ABCG1: variants seen among roughly 807,000 people sequenced by gnomAD.
ABCG1 encodes the protein ATP-binding cassette sub-family G member 1.
Under a neutral mutation model 69.2 loss-of-function variants are expected in ABCG1, and 29 were observed. The observed-to-expected ratio is 0.42, with a 90% CI of 0.31 to 0.57. ABCG1 has a LOEUF of 0.57. Among genes scored for constraint, ABCG1 ranks in the 20% least tolerant of loss-of-function variants. The probability of loss-of-function intolerance (pLI) is 0.15; values close to 1 mark genes in which losing one functional copy is unlikely to be tolerated. For synonymous variants in ABCG1, 370 were observed against 374.8 expected (o/e 0.99, Z 0.15); for missense variants, 718 against 898.1 (o/e 0.80, Z 2.56).
In ABCG1 at chr21:42,219,692, G is replaced by A. The variant is rs916237885; in HGVS notation, c.42+388G>A. 8 of 801,208 alleles carry A rather than the reference G, an allele frequency of 1.0e-5. No homozygotes were observed. The African/African-American group carries it at 1.4e-4, about 14-fold the overall frequency. The allele number at this position is 801,208 out of a possible 1,614,324, so 49.6% of individuals were successfully genotyped here. A position where few individuals can be genotyped will look rare whatever the true frequency, so the allele number is the denominator to read the frequency against. On this transcript the variant is annotated intron_variant, in intron 1 of 14. Coordinates refer to ENST00000398449, the MANE Select transcript of ABCG1 (RefSeq NM_016818.3). This position sits in a 1 kb window ranked among gnomAD's most constrained non-coding sequence, Gnocchi z 5.3. ...CCGCAGCTTGGGCCGGAGGGAAGAG[G>A]GGACTTGAAGAAGGGGAGCCCCGCG...
upstream of ABCG1, among the ~76,000 whole-genome samples, chr21:42,213,524 G>T (rs2067609910): frequency 6.6e-6 from 1 of 152,248 alleles, no homozygotes; most frequent in African/African-American, 2.4e-5. Flanking sequence ...AGGTGTGGGG[G>T]CAGGGCCACC....
intron 2 of ABCG1, among the ~76,000 whole-genome samples, chr21:42,255,749 T>C (rs2068293287): frequency 6.6e-6 from 1 of 152,214 alleles, no homozygotes; most frequent in Non-Finnish European, 1.5e-5. Flanking sequence ...CTTTAATCCA[T>C]GCTCAAGCCC....
rs769061442 is a variant in ABCG1, at chr21:42,291,639, G to A, written c.1636G>A (p.Ala546Thr). The change falls in exon 13 of 15, where the codon GCC becomes ACC. Residue 546 changes from alanine to threonine, a missense_variant. By Grantham distance (58) the Ala-to-Thr change is moderately conservative (BLOSUM62 0). Transcript: ENST00000398449. The surrounding 1 kb of genome is among the most constrained non-coding windows in gnomAD (Gnocchi z 6.4). ...GTCCCTGGGCCTGCTGATCGGAGCC[G>A]CCTCCACGTCCCTGCAGGTGCCAGC... is the stretch of plus-strand genomic sequence containing the variant. ...AQSLGLLIGA[A>T]STSLQVATFV... 52 of 1,603,688 alleles carry A rather than the reference G, an allele frequency of 3.2e-5. 1 individual carries two copies. The highest frequency in any genetic ancestry group is 6.6e-5 in the South Asian group (6 of 90,912).
chr21:42,280,426 C>T (rs2068786931), intron 5 of ABCG1, among the ~76,000 whole-genome samples: 1 of 152,242 alleles, frequency 6.6e-6, no homozygotes, highest in South Asian at 2.1e-4. Flanking sequence ...AGTGAGGTCT[C>T]CAGGGGCAGC....
chr21:42,294,855 A>G, intron 14 of ABCG1, 195 bp downstream of exon 14: 1 of 562,444 alleles, frequency 1.8e-6, no homozygotes, highest in Middle Eastern at 4.9e-4. Flanking sequence ...CACACTAAAC[A>G]AGGAGGCCAC....
At chr21:42,204,816 ACTATAGT>A (rs1158802881) in intron 2 of ABCG1, among the ~76,000 whole-genome samples, 1 of 152,204 alleles carries the variant, frequency 6.6e-6, no homozygotes, top group Non-Finnish European at 1.5e-5. Flanking sequence ...CCAATGATCA[ACTATAGT>A]ATTTTTTAAA....
At chr21:42,289,452 G>A (rs570053494) in intron 10 of ABCG1, among the ~76,000 whole-genome samples, 54 of 152,290 alleles carry the variant, frequency 3.5e-4, no homozygotes, top group Middle Eastern at 3.4e-3. Flanking sequence ...GGCTGTAGGC[G>A]AGTCCATTTC....
chr21:42,212,929 G>A (rs59645779), upstream of ABCG1, among the ~76,000 whole-genome samples: 3,573 of 152,186 alleles, frequency 0.023, 142 homozygotes, highest in African/African-American at 0.08. Context: ...TCCTGACCTC[G>A]TGATCCGCCC....
rs370759798 is a variant in ABCG1, at chr21:42,234,241, A to G, written c.286+8327A>G. Among the ~76,000 whole-genome samples, 9 of 152,244 alleles carry G rather than the reference A, an allele frequency of 5.9e-5. No homozygotes were observed. The East Asian group carries it at 1.5e-3, about 26-fold the overall frequency. On this transcript the variant is annotated intron_variant, in intron 2 of 14. Coordinates refer to ENST00000398449, the MANE Select transcript of ABCG1 (RefSeq NM_016818.3). ...AGGGGGCAGGTCCAGGACTGGACTT[A>G]ACACCTGGAGTCCCAACTCCCTGCC... is the stretch of plus-strand genomic sequence containing the variant.
intron 2 of ABCG1, among the ~76,000 whole-genome samples, chr21:42,266,301 AAAAT>A (rs2068504248): frequency 1.3e-5 from 2 of 150,554 alleles, no homozygotes; most frequent in South Asian, 4.2e-4. Flanking sequence ...ACTCTGTCTC[AAAAT>A]AAATAAATAA....
intron 3 of ABCG1, among the ~76,000 whole-genome samples, chr21:42,271,940 C>T (rs1337088694): frequency 6.6e-6 from 1 of 152,130 alleles, no homozygotes; most frequent in Non-Finnish European, 1.5e-5. Context: ...GTTTGGCGAC[C>T]ATTGTGTCCA....
upstream of ABCG1, among the ~76,000 whole-genome samples, chr21:42,212,895 A>G (rs186471639): frequency 9.7e-3 from 1,471 of 152,154 alleles, 13 homozygotes; most frequent in Middle Eastern, 0.024. Context: ...GGGTTTCACC[A>G]TGTTAGCCAG....
intron 1 of ABCG1, among the ~76,000 whole-genome samples, chr21:42,223,522 A>G (rs1270430013): frequency 1.3e-5 from 2 of 151,984 alleles, no homozygotes; most frequent in African/African-American, 4.8e-5. Context: ...CCAGAGGAAA[A>G]TAACCAAAGC....
chr21:42,291,246 C>T lies in ABCG1; in HGVS notation c.1494+54C>T. ...ACGGGGGCAAGAGTTCTCCTGTACACCCTTTATATCGAGTAAGAGGACCTG... is the reference window on the plus strand; with the variant it reads ...ACGGGGGCAAGAGTTCTCCTGTACATCCTTTATATCGAGTAAGAGGACCTG... On this transcript the variant is annotated intron_variant, in intron 12 of 14. Coordinates refer to ENST00000398449, the MANE Select transcript of ABCG1 (RefSeq NM_016818.3). This position sits in a 1 kb window ranked among gnomAD's most constrained non-coding sequence, Gnocchi z 6.4. 7.0e-7 allele frequency: 1 copy of T among 1,419,632 alleles called. No homozygotes were observed. The highest frequency in any genetic ancestry group is 9.9e-7 in the Non-Finnish European group (1 of 1,012,326). 87.9% of individuals were successfully genotyped at this position (1,419,632 alleles called of 1,614,324 possible). A position where few individuals can be genotyped will look rare whatever the true frequency, so the allele number is the denominator to read the frequency against.
intron 13 of ABCG1, among the ~76,000 whole-genome samples, chr21:42,293,606 ACAC>A (rs1374941061): frequency 1.4e-5 from 2 of 139,900 alleles, no homozygotes; most frequent in African/African-American, 5.3e-5. Flanking sequence ...TACACAGTAC[ACAC>A]CACACTACAC....
At chr21:42,201,958 G>A (rs2123459797) in intron 2 of ABCG1, among the ~76,000 whole-genome samples, 1 of 152,316 alleles carries the variant, frequency 6.6e-6, no homozygotes, top group South Asian at 2.1e-4. Context: ...CCCCACCCTG[G>A]GGACTTGAAC....
intron 2 of ABCG1, chr21:42,259,574 G>A (rs2068369880): frequency 2.0e-6 from 3 of 1,483,428 alleles, no homozygotes; most frequent in Admixed American, 2.4e-5. Context: ...CAAATCGAGT[G>A]GCATTGCCTC....
chr21:42,251,818 G>T (rs761471568), intron 2 of ABCG1, among the ~76,000 whole-genome samples: 5 of 152,240 alleles, frequency 3.3e-5, no homozygotes, highest in Non-Finnish European at 5.9e-5. Context: ...CGCCAGCACT[G>T]GCCTTGGGCA....
upstream of ABCG1, among the ~76,000 whole-genome samples, chr21:42,213,874 C>G (rs1429185374): frequency 1.3e-5 from 2 of 152,208 alleles, no homozygotes; most frequent in African/African-American, 2.4e-5. Context: ...ACTTGTGTGA[C>G]TTCACAAGTT....
Sources: gnomAD v4.1 joint callset for allele counts (sites outside exome capture counted in the v4.1 genomes callset) on GRCh38, gnomAD v4.1.1 for gene constraint, Gnocchi (gnomAD v3.1) non-coding constraint, MANE v1.5 for transcripts, NCBI Gene and HGNC (gene_info 2026-07-23, HGNC 2026-07-21) for gene names.